RANBP2: variants seen among roughly 807,000 people sequenced by gnomAD.
The protein encoded by RANBP2 is RAN binding protein 2, also known as E3 SUMO-protein ligase RanBP2.
A neutral mutation model predicts 303.6 loss-of-function variants in RANBP2; 57 were observed. The ratio of observed to expected loss-of-function variants is 0.19; its 90% confidence interval spans 0.15 to 0.23. The LOEUF (loss-of-function observed/expected upper bound fraction) is 0.23. Ranked by LOEUF, RANBP2 falls within the 10% of genes least tolerant of loss-of-function variation. RANBP2 has a pLI of 1.00. For missense variants in RANBP2, 3,138 were observed against 3,780.8 expected (o/e 0.83, Z 4.46); for synonymous variants, 1,167 against 1,301.5 (o/e 0.90, Z 2.23).
chr2:108,975,130 G>A, the RANBP2 span, among the ~76,000 whole-genome samples: 6 of 152,216 alleles, frequency 3.9e-5, no homozygotes, highest in Non-Finnish European at 8.8e-5. Context: ...CTGTCTGAGG[G>A]TGCTGGGCAG....
At chr2:109,698,327 G>A in the RANBP2 span, among the ~76,000 whole-genome samples, 1 of 151,644 alleles carries the variant, frequency 6.6e-6, no homozygotes, top group Non-Finnish European at 1.5e-5. Context: ...TTAGCCAGGT[G>A]TGGTGGCATG....
the RANBP2 span, among the ~76,000 whole-genome samples, chr2:109,751,510 T>C: frequency 8.2e-4 from 120 of 146,396 alleles, no homozygotes; most frequent in Admixed American, 3.2e-3. Flanking sequence ...TGGGAGGAGA[T>C]TGTACAGGAG....
At chr2:108,980,031 A>G in the RANBP2 span, among the ~76,000 whole-genome samples, 1 of 139,844 alleles carries the variant, frequency 7.2e-6, no homozygotes, top group Non-Finnish European at 1.5e-5. Flanking sequence ...AGCTTGCTGT[A>G]TCAGTGACCA....
the RANBP2 span, among the ~76,000 whole-genome samples, chr2:109,218,064 G>C: frequency 2.6e-5 from 4 of 152,146 alleles, no homozygotes; most frequent in Non-Finnish European, 2.9e-5. Context: ...CTGCGGGGAG[G>C]GGTGCTGTGT....
the RANBP2 span, among the ~76,000 whole-genome samples, chr2:109,555,456 G>A: frequency 6.6e-6 from 1 of 152,052 alleles, no homozygotes; most frequent in Non-Finnish European, 1.5e-5. Flanking sequence ...CTTCTGTAAA[G>A]TCTCCCCCAC....
chr2:109,680,600 A>G, the RANBP2 span, among the ~76,000 whole-genome samples: 1 of 152,178 alleles, frequency 6.6e-6, no homozygotes. Context: ...GGGAATAGTT[A>G]ACAACCACTT....
At chr2:109,257,661 G>A in the RANBP2 span, among the ~76,000 whole-genome samples, 25 of 152,236 alleles carry the variant, frequency 1.6e-4, no homozygotes, top group African/African-American at 6.0e-4. Flanking sequence ...GCCTTGGTTT[G>A]CGCTTCAGGG....
chr2:109,364,224 T>A, the RANBP2 span, among the ~76,000 whole-genome samples: 1 of 151,962 alleles, frequency 6.6e-6, no homozygotes. Flanking sequence ...TATTGAGATA[T>A]CCTCAAGCTC....
At chr2:109,312,989 ATG>A in the RANBP2 span, among the ~76,000 whole-genome samples, 2 of 152,156 alleles carry the variant, frequency 1.3e-5, no homozygotes, top group Admixed American at 1.3e-4. Context: ...ATCTACAGTA[ATG>A]CGGAAGAAGG....
chr2:109,194,435 C>T, the RANBP2 span, among the ~76,000 whole-genome samples: 6 of 152,234 alleles, frequency 3.9e-5, no homozygotes, highest in East Asian at 3.8e-4. Flanking sequence ...GCTGCGCTCT[C>T]GGCTGGCTGA....
the RANBP2 span, among the ~76,000 whole-genome samples, chr2:109,352,049 C>A: frequency 6.6e-6 from 1 of 152,158 alleles, no homozygotes; most frequent in Non-Finnish European, 1.5e-5. Flanking sequence ...CAAATCATGG[C>A]ACGTTTCTTT....
At chr2:109,285,966 T>A in the RANBP2 span, among the ~76,000 whole-genome samples, 1 of 152,202 alleles carries the variant, frequency 6.6e-6, no homozygotes, top group Non-Finnish European at 1.5e-5. Context: ...TGAGGGTCCA[T>A]GGCCTGCAGG....
the RANBP2 span, among the ~76,000 whole-genome samples, chr2:108,889,158 A>T: frequency 6.6e-6 from 1 of 152,152 alleles, no homozygotes; most frequent in Non-Finnish European, 1.5e-5. Context: ...TGGTCTGAGA[A>T]AATACTTGAT....
At chr2:109,581,974 T>C in the RANBP2 span, among the ~76,000 whole-genome samples, 2 of 151,876 alleles carry the variant, frequency 1.3e-5, no homozygotes, top group African/African-American at 4.8e-5. Context: ...TTCAGTGAAG[T>C]TTCAAGATGC....
the RANBP2 span, among the ~76,000 whole-genome samples, chr2:109,584,226 T>C: frequency 1.3e-5 from 2 of 152,130 alleles, no homozygotes; most frequent in Non-Finnish European, 2.9e-5. Context: ...CCTGTAATCC[T>C]AGCACTTCGG....
chr2:109,347,901 C>T, the RANBP2 span: 21 of 1,611,024 alleles, frequency 1.3e-5, 1 homozygote, highest in South Asian at 1.0e-4. Context: ...TTTATGATTT[C>T]GAGATGAAGG....
chr2:108,795,337 G>A, the RANBP2 span, among the ~76,000 whole-genome samples: 97 of 151,974 alleles, frequency 6.4e-4, 1 homozygote, highest in African/African-American at 2.1e-3. Flanking sequence ...TGTATTTTTA[G>A]TAGAGATGGG....
chr2:109,355,526 C>T, the RANBP2 span, among the ~76,000 whole-genome samples: 2 of 152,218 alleles, frequency 1.3e-5, no homozygotes, highest in Non-Finnish European at 2.9e-5. Flanking sequence ...ACCTACAACT[C>T]CTGAAATAGT....
chr2:108,815,464 T>G, the RANBP2 span, among the ~76,000 whole-genome samples: 1 of 133,480 alleles, frequency 7.5e-6, no homozygotes, highest in African/African-American at 3.0e-5. Context: ...TTTTGGTGTT[T>G]TTTTTTTTTT....
Sources: gnomAD v4.1 joint callset for allele counts (sites outside exome capture counted in the v4.1 genomes callset) on GRCh38, gnomAD v4.1.1 for gene constraint, MANE v1.5 for transcripts, NCBI Gene and HGNC (gene_info 2026-07-23, HGNC 2026-07-21) for gene names.